CSMD1: variants seen among roughly 807,000 people sequenced by gnomAD.
CSMD1 encodes CUB and sushi domain-containing protein 1.
CSMD1 carries 213 observed loss-of-function variants against 417.5 expected under a neutral mutation model. That is an observed-to-expected ratio of 0.51 (90% CI 0.46 to 0.57). CSMD1 has a LOEUF of 0.57. CSMD1 is among the 20% of genes least tolerant of loss of function. CSMD1 has a pLI of 0.00. For missense variants in CSMD1, 6,923 were observed against 4,529.7 expected, an observed-to-expected ratio of 1.53 and a Z score of -15.17; for synonymous variants, 2,862 against 1,736.8, an observed-to-expected ratio of 1.65 and a Z score of -16.11.
At chr8:4,094,993 T>C (rs1341529750) in intron 3 of CSMD1, among the ~76,000 whole-genome samples, 1 of 152,104 alleles carries the variant, frequency 6.6e-6, no homozygotes, top group Non-Finnish European at 1.5e-5. Flanking sequence ...ATTATACAGG[T>C]GGACTAGAAA....
intron 1 of CSMD1, among the ~76,000 whole-genome samples, chr8:4,844,924 G>T (rs933329215): frequency 1.3e-5 from 2 of 152,062 alleles, no homozygotes; most frequent in Non-Finnish European, 2.9e-5. Context: ...TTAACTTCGT[G>T]TTTCCCAAAT....
At chr8:3,583,811 G>C (rs1017178117) in intron 9 of CSMD1, among the ~76,000 whole-genome samples, 2 of 151,988 alleles carry the variant, frequency 1.3e-5, no homozygotes, top group African/African-American at 4.8e-5. Context: ...TGTAAGGTCA[G>C]AACACAAGTA....
intron 3 of CSMD1, among the ~76,000 whole-genome samples, chr8:4,374,751 A>G (rs1254561649): frequency 6.6e-6 from 1 of 152,084 alleles, no homozygotes; most frequent in Non-Finnish European, 1.5e-5. Context: ...GAGACGTCCA[A>G]GTGGTTCTTG....
chr8:3,469,004 TG>T (rs1206816426), intron 11 of CSMD1, 180 bp from the exon 12 acceptor site: 1 of 458,394 alleles, frequency 2.2e-6, no homozygotes, highest in East Asian at 3.5e-5. Flanking sequence ...TCACTATCAC[TG>T]GTGCTTTACA....
At chr8:3,421,837 C>T (rs977167983) in intron 12 of CSMD1, among the ~76,000 whole-genome samples, 2 of 152,138 alleles carry the variant, frequency 1.3e-5, no homozygotes, top group Non-Finnish European at 2.9e-5. Context: ...AGGGTTTCAC[C>T]ATATTGGTCA....
At chr8:4,599,806 T>C (rs544495080) in intron 2 of CSMD1, among the ~76,000 whole-genome samples, 1 of 152,354 alleles carries the variant, frequency 6.6e-6, no homozygotes, top group South Asian at 2.1e-4. Flanking sequence ...GTATATTTCC[T>C]AGTGTTTATC....
At chr8:3,714,948 T>A (rs1236439977) in intron 6 of CSMD1, among the ~76,000 whole-genome samples, 1 of 152,216 alleles carries the variant, frequency 6.6e-6, no homozygotes, top group Non-Finnish European at 1.5e-5. Context: ...TCTAGGACTC[T>A]CTTTTTCTAG....
chr8:3,869,349 G>T (rs565738466), intron 5 of CSMD1, among the ~76,000 whole-genome samples: 2 of 152,064 alleles, frequency 1.3e-5, no homozygotes, highest in South Asian at 4.1e-4. Flanking sequence ...ACTATATCCT[G>T]TATAATAAAA....
intron 10 of CSMD1, among the ~76,000 whole-genome samples, chr8:3,529,715 T>C (rs1034718391): frequency 3.3e-5 from 5 of 152,154 alleles, no homozygotes; most frequent in Non-Finnish European, 5.9e-5. Flanking sequence ...TCTTGGGAGA[T>C]ATATCTGTTG....
At chr8:4,469,694 G>A (rs941107078) in intron 2 of CSMD1, among the ~76,000 whole-genome samples, 12 of 151,970 alleles carry the variant, frequency 7.9e-5, no homozygotes, top group East Asian at 1.9e-4. Flanking sequence ...GTCATCACAG[G>A]CCTAACGTCA....
At chr8:3,889,021 T>C (rs1465301404) in intron 5 of CSMD1, among the ~76,000 whole-genome samples, 1 of 152,154 alleles carries the variant, frequency 6.6e-6, no homozygotes, top group African/African-American at 2.4e-5. Context: ...TCAATTACCA[T>C]AATTGCCATT....
intron 7 of CSMD1, among the ~76,000 whole-genome samples, chr8:3,697,014 G>T (rs933042118): frequency 6.6e-6 from 1 of 152,102 alleles, no homozygotes; most frequent in African/African-American, 2.4e-5. Context: ...ATGGGTTCTG[G>T]TGAATGTGGT....
chr8:4,365,744 A>T (rs1371460169), intron 3 of CSMD1, among the ~76,000 whole-genome samples: 4 of 152,152 alleles, frequency 2.6e-5, no homozygotes, highest in Non-Finnish European at 5.9e-5. Flanking sequence ...CCAGATTTGA[A>T]TAGCTGACTC....
intron 54 of CSMD1, 83 bp from the exon 55 acceptor site, chr8:2,978,883 C>T: frequency 8.4e-7 from 1 of 1,192,634 alleles, no homozygotes; most frequent in South Asian, 1.7e-5. Flanking sequence ...GCGAATTCCT[C>T]ATCATTTTAG....
chr8:4,406,530 A>C (rs1805032042), intron 3 of CSMD1, among the ~76,000 whole-genome samples: 1 of 152,178 alleles, frequency 6.6e-6, no homozygotes, highest in African/African-American at 2.4e-5. Context: ...TTTTCATTCT[A>C]AGAAGTTTGA....
chr8:4,388,849 C>G (rs779284647), intron 3 of CSMD1, among the ~76,000 whole-genome samples: 1 of 152,212 alleles, frequency 6.6e-6, no homozygotes, highest in Non-Finnish European at 1.5e-5. Context: ...GATTTAAAAA[C>G]CATTTAAAAC....
intron 3 of CSMD1, among the ~76,000 whole-genome samples, chr8:4,059,662 C>T (rs1350969479): frequency 1.3e-5 from 2 of 152,306 alleles, no homozygotes; most frequent in African/African-American, 4.8e-5. Flanking sequence ...ATACTACAAA[C>T]ACCTCTACGC....
At chr8:3,148,820 C>G (rs1035433756) in intron 40 of CSMD1, among the ~76,000 whole-genome samples, 1 of 152,220 alleles carries the variant, frequency 6.6e-6, no homozygotes, top group Admixed American at 6.5e-5. Context: ...CAATTTCTCA[C>G]TTCGTATCTA....
intron 3 of CSMD1, among the ~76,000 whole-genome samples, chr8:4,162,832 A>G (rs1797248270): frequency 6.6e-6 from 1 of 152,262 alleles, no homozygotes; most frequent in South Asian, 2.1e-4. Context: ...ATATAATGCT[A>G]TGTGTTCACC....
Sources: allele counts gnomAD v4.1 joint callset (sites outside exome capture counted in the v4.1 genomes callset), GRCh38; gene constraint gnomAD v4.1.1; transcripts MANE v1.5; gene names NCBI Gene and HGNC (gene_info 2026-07-23, HGNC 2026-07-21).